The following ARFGEF1 variants were observed in gnomAD, a reference collection of about 807,000 sequenced individuals.
ARFGEF1 encodes the protein brefeldin A-inhibited guanine nucleotide-exchange protein 1.
Under a neutral mutation model 231.0 loss-of-function variants are expected in ARFGEF1, and 42 were observed. That is an observed-to-expected ratio of 0.18 (90% CI 0.14 to 0.24). The LOEUF (loss-of-function observed/expected upper bound fraction) is 0.24, where lower values mean the gene tolerates loss of function less well. Among genes scored for constraint, ARFGEF1 ranks in the 10% least tolerant of loss-of-function variants. ARFGEF1 has a pLI of 1.00. For synonymous variants in ARFGEF1, 710 were observed against 732.3 expected, an observed-to-expected ratio of 0.97 and a Z score of 0.49; for missense variants, 1,345 against 2,192.0, an observed-to-expected ratio of 0.61 and a Z score of 7.72.
At chr8:67,280,959 C>A (rs1008400739) in intron 7 of ARFGEF1, among the ~76,000 whole-genome samples, 1 of 151,792 alleles carries the variant, frequency 6.6e-6, no homozygotes, top group Non-Finnish European at 1.5e-5. Context: ...TGGGATAGTT[C>A]CAGTTAGTAT....
downstream of ARFGEF1, chr8:67,197,565 T>C (rs919853247): frequency 2.4e-5 from 22 of 931,094 alleles, no homozygotes; most frequent in African/African-American, 3.6e-5. Flanking sequence ...CCAAACAATA[T>C]TGAATTTGTA....
At chr8:67,209,538 G>A (rs569172519) in intron 34 of ARFGEF1, among the ~76,000 whole-genome samples, 1 of 152,184 alleles carries the variant, frequency 6.6e-6, no homozygotes, top group East Asian at 1.9e-4. Context: ...AAATGCCACT[G>A]AATTATTATT....
intron 1 of ARFGEF1, among the ~76,000 whole-genome samples, chr8:67,326,947 CA>C (rs1807860905): frequency 1.3e-5 from 2 of 152,188 alleles, no homozygotes; most frequent in African/African-American, 2.4e-5. Context: ...AAGAACAAAA[CA>C]ATTTCCTTCC....
intron 3 of ARFGEF1, among the ~76,000 whole-genome samples, chr8:67,300,129 T>C (rs1461652852): frequency 4.6e-5 from 7 of 152,224 alleles, no homozygotes; most frequent in Non-Finnish European, 1.5e-5. Context: ...CTAGCTGAGA[T>C]AAATCATAGA....
intron 5 of ARFGEF1, among the ~76,000 whole-genome samples, chr8:67,295,804 G>A (rs979365598): frequency 1.3e-5 from 2 of 152,158 alleles, no homozygotes; most frequent in Non-Finnish European, 2.9e-5. Context: ...AGGTATGTAA[G>A]TTAACTGCAT....
At chr8:67,228,824 C>T (rs969346446) in intron 23 of ARFGEF1, among the ~76,000 whole-genome samples, 1 of 152,020 alleles carries the variant, frequency 6.6e-6, no homozygotes, top group African/African-American at 2.4e-5. Context: ...CCCAGCTTTG[C>T]CCATTCTTCT....
intron 1 of ARFGEF1, among the ~76,000 whole-genome samples, chr8:67,312,544 C>T (rs547313840): frequency 6.6e-6 from 1 of 152,180 alleles, no homozygotes; most frequent in South Asian, 2.1e-4. Context: ...AACAAACAAA[C>T]CTGTCACCAC....
chr8:67,208,666 T>C (rs1354236038), intron 34 of ARFGEF1, among the ~76,000 whole-genome samples: 1 of 148,402 alleles, frequency 6.7e-6, no homozygotes, highest in Admixed American at 6.7e-5. Flanking sequence ...AAAAAACACT[T>C]CATAGAAGAC....
At chr8:67,303,347 T>A (rs1217330546) in intron 1 of ARFGEF1, among the ~76,000 whole-genome samples, 1 of 152,148 alleles carries the variant, frequency 6.6e-6, no homozygotes, top group Non-Finnish European at 1.5e-5. Context: ...AATGGGAAAT[T>A]TTCCCTTTCA....
intron 1 of ARFGEF1, among the ~76,000 whole-genome samples, chr8:67,305,652 T>C (rs1331710629): frequency 1.3e-5 from 2 of 152,192 alleles, no homozygotes; most frequent in Non-Finnish European, 2.9e-5. Flanking sequence ...CGGCCTTGTT[T>C]TTCTAGTCTT....
rs146865206 is a variant in ARFGEF1, at chr8:67,265,952, C to T, written c.2123+54G>A. ...TGATAAACCCACGGCAGGGGTGGCA[C>T]TATACTGGCAGAGAGATATTCAATA... On this transcript the variant is annotated intron_variant, in intron 14 of 38. Coordinates refer to ENST00000262215, the MANE Select transcript of ARFGEF1 (RefSeq NM_006421.5). 3.0e-4 allele frequency: 469 copies of T among 1,563,134 alleles called. 6 individuals are homozygous for T. In the African/African-American group the frequency reaches 5.8e-3, roughly 19 times the overall value.
intron 2 of ARFGEF1, among the ~76,000 whole-genome samples, chr8:67,302,080 T>C (rs1806517234): frequency 6.6e-6 from 1 of 151,972 alleles, no homozygotes; most frequent in South Asian, 2.1e-4. Context: ...TCGCCTGTAG[T>C]CCCAGGTACT....
At chr8:67,271,569 G>GA (rs1329570739) in intron 10 of ARFGEF1, 133 bp downstream of exon 10, 25 of 692,348 alleles carry the variant, frequency 3.6e-5, no homozygotes, top group Non-Finnish European at 5.3e-5. Flanking sequence ...ACAGGTGAAT[G>GA]AAAAAAAATA....
At chr8:67,193,656 T>C, downstream of ARFGEF1, 2 of 1,508,586 alleles carry the variant, frequency 1.3e-6, no homozygotes, top group Non-Finnish European at 1.8e-6. Context: ...ACTTTTAAAC[T>C]TTCTTACTCA....
rs1258175292 is a variant in ARFGEF1, at chr8:67,266,998, CA to C, written c.1813-15del. On this transcript the variant is annotated splice_polypyrimidine_tract_variant and intron_variant, in intron 12 of 38. Coordinates refer to ENST00000262215, the MANE Select transcript of ARFGEF1 (RefSeq NM_006421.5). The stretch of plus-strand genomic sequence containing the variant: ...CAGGCTCAATTCCTACAAAGTAATT[CA>C]AAAACAAAATTTTTTTTAAAGGTCT... 1 of 1,609,014 alleles carries C rather than the reference CA, an allele frequency of 6.2e-7. No individual in the cohort carries two copies. Among genetic ancestry groups the C allele is most frequent in the Admixed American group, 1.7e-5 (1 of 58,802 alleles).
chr8:67,205,837 A>AAG (rs1218105406), intron 34 of ARFGEF1, among the ~76,000 whole-genome samples: 1 of 151,914 alleles, frequency 6.6e-6, no homozygotes, highest in African/African-American at 2.4e-5. Context: ...CAGCCTGGGC[A>AAG]AGAGAGAGAG....
intron 19 of ARFGEF1, among the ~76,000 whole-genome samples, chr8:67,248,143 A>G (rs1024886172): frequency 6.7e-6 from 1 of 150,272 alleles, no homozygotes; most frequent in African/African-American, 2.5e-5. Flanking sequence ...AAAAAATCCT[A>G]CAATTTATAT....
chr8:67,311,480 C>A (rs1362791318), intron 1 of ARFGEF1, among the ~76,000 whole-genome samples: 3 of 140,776 alleles, frequency 2.1e-5, no homozygotes, highest in Non-Finnish European at 4.7e-5. Flanking sequence ...GTCAGCCACC[C>A]GCCTGGCCAG....
chr8:67,329,529 A>T (rs1165013454), intron 1 of ARFGEF1, among the ~76,000 whole-genome samples: 1 of 145,948 alleles, frequency 6.9e-6, no homozygotes, highest in Non-Finnish European at 1.5e-5. Context: ...ACTCCATCTC[A>T]AAATAAATAA....
Sources: gnomAD v4.1 joint callset for allele counts (sites outside exome capture counted in the v4.1 genomes callset) on GRCh38, gnomAD v4.1.1 for gene constraint, MANE v1.5 for transcripts, NCBI Gene and HGNC (gene_info 2026-07-23, HGNC 2026-07-21) for gene names.